CHL1: variants seen among roughly 807,000 people sequenced by gnomAD.
The protein encoded by CHL1 is neural cell adhesion molecule L1-like protein.
A neutral mutation model predicts 141.9 loss-of-function variants in CHL1; 96 were observed. The observed-to-expected ratio is 0.68, with a 90% CI of 0.57 to 0.80. CHL1 has a LOEUF of 0.80. Among genes scored for constraint, CHL1 ranks in the 30% least tolerant of loss-of-function variants. The pLI is 0.00. For synonymous variants in CHL1, 613 were observed against 502.2 expected (o/e 1.22, Z -2.95); for missense variants, 1,820 against 1,457.2 (o/e 1.25, Z -4.05).
intron 3 of CHL1, among the ~76,000 whole-genome samples, chr3:321,181 G>A (rs933396999): frequency 6.6e-6 from 1 of 151,916 alleles, no homozygotes; most frequent in Non-Finnish European, 1.5e-5. Flanking sequence ...TATGCACTTT[G>A]GAAAGAACTG....
intron 2 of CHL1, chr3:247,753 A>G (rs1310331130): frequency 1.3e-5 from 2 of 152,130 alleles, no homozygotes; most frequent in Non-Finnish European, 2.9e-5. Context: ...CTGGTCAAGA[A>G]GTTCACCTCT....
chr3:217,679 G>A (rs898282228), intron 1 of CHL1: 1 of 152,414 alleles, frequency 6.6e-6, no homozygotes, highest in South Asian at 2.1e-4. Flanking sequence ...CAGTGAGTGT[G>A]GGAGAAACCA....
chr3:391,754 A>G lies in CHL1; in HGVS notation c.2871A>G (p.Lys957=). ...TATLSWGLPK[K]LNGNLTGYLL... ...CTTTATCTTGGGGACTACCTAAGAA[A>G]TTAAATGGAAACTTAACTGGCTATC... The change falls in exon 23 of 28, where the codon AAA becomes AAG. Residue 957 remains lysine (K), a synonymous_variant. Transcript: ENST00000256509. The G allele has an allele frequency of 6.2e-7, 1 of 1,601,680 alleles. No homozygotes were observed. Among genetic ancestry groups the G allele is most frequent in the East Asian group, 2.2e-5 (1 of 44,686 alleles).
chr3:394,120 A>T (rs924670691), intron 23 of CHL1, among the ~76,000 whole-genome samples: 4 of 152,200 alleles, frequency 2.6e-5, no homozygotes, highest in African/African-American at 9.6e-5. Context: ...TCAGCTTTTT[A>T]CAGTGAGCAC....
intron 8 of CHL1, among the ~76,000 whole-genome samples, chr3:344,306 C>A (rs1702581159): frequency 6.6e-6 from 1 of 152,026 alleles, no homozygotes; most frequent in Non-Finnish European, 1.5e-5. Context: ...CAATTAAGGA[C>A]TTCTGTTTGA....
chr3:265,190 A>C (rs1312117839), intron 2 of CHL1, among the ~76,000 whole-genome samples: 1 of 152,218 alleles, frequency 6.6e-6, no homozygotes, highest in Non-Finnish European at 1.5e-5. Flanking sequence ...GCTAAGGTTC[A>C]CATTCTTGCT....
At chr3:242,232 A>G (rs1015475388) in intron 1 of CHL1, among the ~76,000 whole-genome samples, 1 of 152,172 alleles carries the variant, frequency 6.6e-6, no homozygotes, top group Non-Finnish European at 1.5e-5. Flanking sequence ...GTTTCATTCT[A>G]AAGGATGGTC....
chr3:217,014 T>G (rs1700377866), intron 1 of CHL1, among the ~76,000 whole-genome samples: 3 of 152,178 alleles, frequency 2.0e-5, no homozygotes. Flanking sequence ...AAGCTGCTTG[T>G]GCTGATTAGC....
chr3:228,369 C>T (rs1247142076), intron 1 of CHL1, among the ~76,000 whole-genome samples: 2 of 152,052 alleles, frequency 1.3e-5, no homozygotes, highest in Admixed American at 1.3e-4. Context: ...AATATTTGTA[C>T]TATTTCCTTC....
chr3:359,321 TA>T (rs1350427554), intron 11 of CHL1, among the ~76,000 whole-genome samples: 2 of 151,780 alleles, frequency 1.3e-5, no homozygotes, highest in African/African-American at 2.4e-5. Context: ...TCTTCACTTT[TA>T]TTTTAAAGTC....
rs187765625 is a variant in CHL1 at position 354,118 on chromosome 3, A to G, written c.1034-522A>G. On this transcript the variant is annotated intron_variant, in intron 10 of 27. Transcript: ENST00000256509. ...CCCTCTTACAAAAAAACTCTAGGAAATAATATTTTTCAAGTAGATTATATG... is the reference window on the plus strand; with the variant it reads ...CCCTCTTACAAAAAAACTCTAGGAAGTAATATTTTTCAAGTAGATTATATG... Among the ~76,000 whole-genome samples the G allele has an allele frequency of 1.7e-3, 257 of 152,312 alleles. 3 individuals are homozygous for G. Among genetic ancestry groups the G allele is most frequent in the South Asian group, 0.011 (54 of 4,824 alleles).
intron 1 of CHL1, among the ~76,000 whole-genome samples, chr3:210,639 C>T (rs1041431147): frequency 2.6e-5 from 4 of 152,256 alleles, no homozygotes; most frequent in African/African-American, 7.2e-5. Context: ...AGGAAACTCT[C>T]ATCCAACTTC....
intron 1 of CHL1, among the ~76,000 whole-genome samples, chr3:222,781 G>T (rs139510001): frequency 6.6e-6 from 1 of 152,160 alleles, no homozygotes. Flanking sequence ...ATGAAGATGG[G>T]GAAAAGTCTC....
At chr3:398,691 G>A (rs935091634) in intron 25 of CHL1, among the ~76,000 whole-genome samples, 2 of 152,098 alleles carry the variant, frequency 1.3e-5, no homozygotes, top group Admixed American at 1.3e-4. Flanking sequence ...GGTCTCCATG[G>A]TCATCTGCTT....
At chr3:404,905 G>T (rs1184515275) in intron 27 of CHL1, among the ~76,000 whole-genome samples, 1 of 152,122 alleles carries the variant, frequency 6.6e-6, no homozygotes, top group Non-Finnish European at 1.5e-5. Context: ...AGGATTCTGA[G>T]AAGCCTAAGA....
chr3:205,218 C>G (rs984889605), intron 1 of CHL1, among the ~76,000 whole-genome samples: 2 of 150,426 alleles, frequency 1.3e-5, no homozygotes, highest in African/African-American at 4.9e-5. Context: ...TCAAGTTATT[C>G]TCTCACCTCA....
At chr3:336,413 T>C (rs1701867796) in intron 5 of CHL1, among the ~76,000 whole-genome samples, 1 of 152,180 alleles carries the variant, frequency 6.6e-6, no homozygotes, top group African/African-American at 2.4e-5. Flanking sequence ...GAATTGTATT[T>C]AGTTAAATTT....
At chr3:284,342 T>C (rs1023522066) in intron 2 of CHL1, among the ~76,000 whole-genome samples, 1 of 152,180 alleles carries the variant, frequency 6.6e-6, no homozygotes, top group Non-Finnish European at 1.5e-5. Flanking sequence ...ACTTATTTCT[T>C]ATAGCATATG....
intron 2 of CHL1, among the ~76,000 whole-genome samples, chr3:302,870 G>A (rs1190511639): frequency 6.6e-6 from 1 of 152,072 alleles, no homozygotes; most frequent in East Asian, 1.9e-4. Flanking sequence ...AGTTTTTATG[G>A]TCTAGGTCTT....
Sources: gnomAD v4.1 joint callset for allele counts (sites outside exome capture counted in the v4.1 genomes callset) on GRCh38, gnomAD v4.1.1 for gene constraint, MANE v1.5 for transcripts, NCBI Gene and HGNC (gene_info 2026-07-23, HGNC 2026-07-21) for gene names.